Variants in RBM33 observed in about 807,000 individuals in gnomAD.
RBM33 encodes RNA-binding protein 33.
A neutral mutation model predicts 132.6 loss-of-function variants in RBM33; 28 were observed. The ratio of observed to expected loss-of-function variants is 0.21; its 90% CI spans 0.16 to 0.29. The LOEUF is 0.29. Among genes scored for constraint, RBM33 ranks in the 10% least tolerant of loss-of-function variants. RBM33 has a pLI of 1.00. For missense variants in RBM33, 1,291 were observed against 1,518.5 expected (o/e 0.85, Z 2.49); for synonymous variants, 634 against 593.0 (o/e 1.07, Z -1.01).
At position 155,777,913 on chromosome 7, in the gene RBM33, A is replaced by G. The variant is rs1309876433; in HGVS notation, c.*2872A>G. The G allele has an allele frequency of 1.3e-5, 2 of 152,690 alleles. No individual in the cohort carries two copies. Among genetic ancestry groups the G allele is most frequent in the African/African-American group, 2.4e-5 (1 of 41,460 alleles). The allele number at this position is 152,690 out of a possible 1,614,324, so 9.5% of individuals were successfully genotyped here. On this transcript the variant is annotated 3_prime_UTR_variant, in exon 18 of 18. Coordinates refer to ENST00000401878, the MANE Select transcript of RBM33 (RefSeq NM_053043.3). ...TATCAGTATCTCATAAGGTAAACCA[A>G]TAGCTGATTATGTGGAGCCAAGTTA...
At chr7:155,765,652 G>A (rs990669341) in intron 15 of RBM33, among the ~76,000 whole-genome samples, 15 of 152,276 alleles carry the variant, frequency 9.9e-5, no homozygotes, top group African/African-American at 3.6e-4. Context: ...TGCCTTCTGC[G>A]CTTCACCGCT....
chr7:155,756,414 G>A (rs1312023161), intron 14 of RBM33, among the ~76,000 whole-genome samples: 2 of 152,174 alleles, frequency 1.3e-5, no homozygotes, highest in African/African-American at 4.8e-5. Flanking sequence ...TTTCTCAGAT[G>A]TAATCAGTTG....
At chr7:155,737,228 G>A (rs1209806490) in intron 9 of RBM33, among the ~76,000 whole-genome samples, 1 of 149,728 alleles carries the variant, frequency 6.7e-6, no homozygotes, top group African/African-American at 2.5e-5. Flanking sequence ...TGTAGAAAGC[G>A]CTACCATCTA....
At chr7:155,650,988 C>T (rs1236764616) in intron 1 of RBM33, among the ~76,000 whole-genome samples, 7 of 152,158 alleles carry the variant, frequency 4.6e-5, no homozygotes, top group Non-Finnish European at 8.8e-5. Context: ...AGCGATTCTT[C>T]AGCCTCAGCC....
At chr7:155,714,137 G>A (rs1384291810) in intron 8 of RBM33, among the ~76,000 whole-genome samples, 2 of 152,166 alleles carry the variant, frequency 1.3e-5, no homozygotes, top group Non-Finnish European at 2.9e-5. Context: ...GATTTGAGGT[G>A]AGGGCAGTCA....
intron 9 of RBM33, among the ~76,000 whole-genome samples, chr7:155,729,742 CAA>C (rs5888634): frequency 0.02 from 2,040 of 101,312 alleles, 33 homozygotes; most frequent in African/African-American, 0.056. Flanking sequence ...GTCTCTTTAA[CAA>C]AAAAAAAAAA....
chr7:155,667,444 T>C (rs764920987), intron 2 of RBM33, among the ~76,000 whole-genome samples: 1 of 152,172 alleles, frequency 6.6e-6, no homozygotes, highest in African/African-American at 2.4e-5. Flanking sequence ...GTTATTCAGA[T>C]TGTTTTCAGT....
intron 9 of RBM33, among the ~76,000 whole-genome samples, chr7:155,727,428 G>A (rs1800825046): frequency 6.6e-6 from 1 of 152,216 alleles, no homozygotes; most frequent in South Asian, 2.1e-4. Context: ...TGCTAGGTAA[G>A]CAGTTAGCAG....
At chr7:155,680,967 T>C in intron 5 of RBM33, 59 bp downstream of exon 5, 1 of 1,369,550 alleles carries the variant, frequency 7.3e-7, no homozygotes, top group Non-Finnish European at 1.0e-6. Context: ...CATAGGCTTC[T>C]AGACTGATTT....
chr7:155,725,028 G>A (rs1238958718), intron 9 of RBM33, among the ~76,000 whole-genome samples: 1 of 143,740 alleles, frequency 7.0e-6, no homozygotes, highest in African/African-American at 2.7e-5. Flanking sequence ...GTGTGTGTGT[G>A]TGTGTGTGTA....
chr7:155,682,157 G>A (rs773865201), intron 5 of RBM33, among the ~76,000 whole-genome samples: 3 of 152,162 alleles, frequency 2.0e-5, no homozygotes, highest in Non-Finnish European at 4.4e-5. Context: ...TTGACCTCAA[G>A]TTATCCGCCC....
intron 1 of RBM33, among the ~76,000 whole-genome samples, chr7:155,648,095 T>G (rs186305125): frequency 6.6e-6 from 1 of 152,310 alleles, no homozygotes; most frequent in East Asian, 1.9e-4. Flanking sequence ...TTCTAGTCAA[T>G]TCTTAGAAAT....
intron 9 of RBM33, among the ~76,000 whole-genome samples, chr7:155,728,921 C>T (rs1217684433): frequency 6.6e-6 from 1 of 152,152 alleles, no homozygotes; most frequent in African/African-American, 2.4e-5. Flanking sequence ...GAGCATAATA[C>T]CTACCTTGTA....
At chr7:155,691,792 A>G (rs1447774799) in intron 5 of RBM33, among the ~76,000 whole-genome samples, 2 of 152,166 alleles carry the variant, frequency 1.3e-5, no homozygotes, top group African/African-American at 4.8e-5. Context: ...GCTGTGTCTT[A>G]TGCCTGTAAT....
At chr7:155,650,439 C>G (rs1360202731) in intron 1 of RBM33, among the ~76,000 whole-genome samples, 1 of 152,182 alleles carries the variant, frequency 6.6e-6, no homozygotes, top group Non-Finnish European at 1.5e-5. Flanking sequence ...CTGAACTAAG[C>G]ATGCATTCTG....
chr7:155,720,401 T>C (rs975840665), intron 9 of RBM33, among the ~76,000 whole-genome samples: 3 of 152,212 alleles, frequency 2.0e-5, no homozygotes, highest in Non-Finnish European at 4.4e-5. Context: ...AGTAGCGGTA[T>C]TGTGTTTTTA....
intron 1 of RBM33, among the ~76,000 whole-genome samples, chr7:155,647,537 T>C (rs1798234432): frequency 6.6e-6 from 1 of 152,142 alleles, no homozygotes; most frequent in Admixed American, 6.5e-5. Context: ...CTCAGTTGAT[T>C]CTCCCACTTC....
In RBM33 at chr7:155,673,413, T is replaced by TGG. The variant is rs1282076945; in HGVS notation, c.171+499_171+500insGG. 1.2e-3 allele frequency among the ~76,000 whole-genome samples: 34 copies of TGG among 29,228 alleles called. 1 individual carries two copies. Among genetic ancestry groups the TGG allele is most frequent in the African/African-American group, 1.8e-3 (31 of 16,786 alleles). The allele number at this position is 29,228 out of a possible 152,430, so 19.2% of individuals were successfully genotyped here. ...TCTATTTATATATATTGTGTGTGTG[T>TGG]GTGTGTGTGTGTGTGTGTGTGTGTG... On this transcript the variant is annotated intron_variant, in intron 3 of 17. Transcript: ENST00000401878.
At chr7:155,723,274 C>CT (rs1331711003) in intron 9 of RBM33, among the ~76,000 whole-genome samples, 2 of 152,196 alleles carry the variant, frequency 1.3e-5, no homozygotes, top group South Asian at 4.1e-4. Context: ...GAACGTCTTG[C>CT]TTTTGAACAC....
Sources: allele counts gnomAD v4.1 joint callset (sites outside exome capture counted in the v4.1 genomes callset), GRCh38; gene constraint gnomAD v4.1.1; transcripts MANE v1.5; gene names NCBI Gene and HGNC (gene_info 2026-07-23, HGNC 2026-07-21).